SLC4A5: variants seen among roughly 807,000 people sequenced by gnomAD.
The protein encoded by SLC4A5 is electrogenic sodium bicarbonate cotransporter 4.
Under a neutral mutation model 120.4 loss-of-function variants are expected in SLC4A5, and 96 were observed. That is an observed-to-expected ratio of 0.80 (90% confidence interval 0.68 to 0.94). SLC4A5 has a LOEUF of 0.94. SLC4A5 is among the 40% of genes least tolerant of loss of function. The probability of loss-of-function intolerance (pLI) is 0.00; values close to 1 mark genes in which losing one functional copy is unlikely to be tolerated. For missense variants in SLC4A5, 1,259 were observed against 1,459.5 expected (o/e 0.86, Z 2.24); for synonymous variants, 550 against 571.1 (o/e 0.96, Z 0.53).
chr2:74,255,741 G>A lies in SLC4A5; in HGVS notation c.1025+34C>T, dbSNP rs1402286198. The stretch of plus-strand genomic sequence containing the variant: ...ACTGCACTGCTGACTGGCTACCTGA[G>A]AGTGGCGTGGGGACAGGTTTCAATG... On this transcript the variant is annotated intron_variant, in intron 13 of 30. Coordinates refer to ENST00000394019, the Ensembl canonical transcript of SLC4A5. The surrounding 1 kb of genome is among the most constrained non-coding windows in gnomAD (Gnocchi z 4.0). The A allele has an allele frequency of 2.5e-6, 4 of 1,611,126 alleles. No individual in the cohort carries two copies. The highest frequency in any genetic ancestry group is 3.4e-6 in the Non-Finnish European group (4 of 1,177,796).
intron 30 of SLC4A5, 39 bp from the exon 31 acceptor site, chr2:74,218,831 G>C (rs1322232168): frequency 6.6e-6 from 1 of 152,670 alleles, no homozygotes; most frequent in Non-Finnish European, 1.5e-5. Context: ...CGTAGTTCTT[G>C]GTGTTTTGAA....
At chr2:74,259,763 T>A in intron 11 of SLC4A5, 120 bp from the exon 12 acceptor site, 1 of 893,894 alleles carries the variant, frequency 1.1e-6, no homozygotes, top group Non-Finnish European at 1.9e-6. Context: ...CCCTCCCCCT[T>A]AATCCTGCAG....
chr2:74,254,830 T>C, intron 13 of SLC4A5, 124 bp from the exon 14 acceptor site: 1 of 736,056 alleles, frequency 1.4e-6, no homozygotes, highest in Non-Finnish European at 2.3e-6. Flanking sequence ...TTTTTTTTTT[T>C]TTTGAGACAG....
At chr2:74,264,653 G>A (rs539467680) in intron 9 of SLC4A5, among the ~76,000 whole-genome samples, 5 of 152,154 alleles carry the variant, frequency 3.3e-5, no homozygotes, top group African/African-American at 1.2e-4. Flanking sequence ...AGTATTTTGG[G>A]CAAAATACTT....
At chr2:74,328,618 C>A (rs1673275784) in intron 4 of SLC4A5, among the ~76,000 whole-genome samples, 1 of 152,042 alleles carries the variant, frequency 6.6e-6, no homozygotes, top group African/African-American at 2.4e-5. Context: ...AAATTGAGGC[C>A]CAGAGAGGGG....
intron 11 of SLC4A5, among the ~76,000 whole-genome samples, chr2:74,261,367 A>G (rs1465931439): frequency 6.6e-6 from 1 of 152,178 alleles, no homozygotes; most frequent in Non-Finnish European, 1.5e-5. Flanking sequence ...GGACAGAGAG[A>G]GAAGACTGCA....
intron 7 of SLC4A5, among the ~76,000 whole-genome samples, chr2:74,296,480 C>T (rs1206359519): frequency 6.6e-6 from 1 of 151,828 alleles, no homozygotes; most frequent in Admixed American, 6.6e-5. Context: ...AGCCAATTGT[C>T]GGCCAGGCAC....
At chr2:74,322,192 A>G (rs908479709) in intron 5 of SLC4A5, among the ~76,000 whole-genome samples, 1 of 152,054 alleles carries the variant, frequency 6.6e-6, no homozygotes, top group Non-Finnish European at 1.5e-5. Context: ...TTATCTGAAA[A>G]AAAAAAAAAA....
At chr2:74,264,014 A>C (rs1180813446) in intron 10 of SLC4A5, 133 bp downstream of exon 10, 1 of 1,182,600 alleles carries the variant, frequency 8.5e-7, no homozygotes, top group Non-Finnish European at 1.2e-6. Context: ...CTGCCAGAGA[A>C]GGAGGCTGAG....
At chr2:74,264,060 C>T in intron 10 of SLC4A5, 87 bp downstream of exon 10, 1 of 1,489,868 alleles carries the variant, frequency 6.7e-7, no homozygotes, top group African/African-American at 1.4e-5. Context: ...CCAGAAACTC[C>T]CAGCCCCTAA....
At chr2:74,254,455 G>T (rs1303060914) in intron 14 of SLC4A5, among the ~76,000 whole-genome samples, 164 bp downstream of exon 14, 1 of 152,154 alleles carries the variant, frequency 6.6e-6, no homozygotes, top group African/African-American at 2.4e-5. Flanking sequence ...TCTCCTAAAG[G>T]ACAATGACTA....
intron 8 of SLC4A5, among the ~76,000 whole-genome samples, chr2:74,269,983 C>T (rs1455386023): frequency 6.6e-6 from 1 of 152,232 alleles, no homozygotes; most frequent in African/African-American, 2.4e-5. Flanking sequence ...GTTAGGCATA[C>T]ACCAAACATT....
intron 12 of SLC4A5, among the ~76,000 whole-genome samples, chr2:74,257,348 C>G (rs1011773797): frequency 4.6e-5 from 7 of 152,100 alleles, no homozygotes; most frequent in African/African-American, 1.7e-4. Flanking sequence ...ACACCGGAGT[C>G]CCCAAGACTC....
intron 8 of SLC4A5, among the ~76,000 whole-genome samples, chr2:74,269,323 A>G (rs1023134142): frequency 9.2e-5 from 14 of 151,994 alleles, no homozygotes; most frequent in African/African-American, 3.4e-4. Context: ...CTCCTGTTTC[A>G]GCCTCCTGAG....
intron 12 of SLC4A5, among the ~76,000 whole-genome samples, chr2:74,258,254 T>A (rs979671170): frequency 1.3e-5 from 2 of 152,232 alleles, no homozygotes. Context: ...CCTCTGGGCT[T>A]GCACCTGAAG....
At chr2:74,325,830 A>G (rs1057182879) in intron 5 of SLC4A5, among the ~76,000 whole-genome samples, 2 of 138,012 alleles carry the variant, frequency 1.4e-5, no homozygotes, top group African/African-American at 5.2e-5. Flanking sequence ...CTCAAACCTA[A>G]GGAAAGAAGG....
chr2:74,312,410 A>G (rs1351985750), intron 6 of SLC4A5, among the ~76,000 whole-genome samples: 2 of 151,988 alleles, frequency 1.3e-5, no homozygotes, highest in African/African-American at 4.8e-5. Context: ...ATGTATTTGT[A>G]GTAGAGACAG....
intron 8 of SLC4A5, among the ~76,000 whole-genome samples, chr2:74,275,759 T>G (rs1671618469): frequency 6.6e-6 from 1 of 152,258 alleles, no homozygotes; most frequent in Admixed American, 6.5e-5. Context: ...TGCTAAGCAC[T>G]TAACAGGTAT....
intron 5 of SLC4A5, among the ~76,000 whole-genome samples, chr2:74,327,161 G>C (rs1228149249): frequency 2.0e-5 from 3 of 152,162 alleles, no homozygotes; most frequent in Admixed American, 1.3e-4. Context: ...CTTAAGATTA[G>C]ACATCCATGT....
Sources: gnomAD v4.1 joint callset for allele counts (sites outside exome capture counted in the v4.1 genomes callset) on GRCh38, gnomAD v4.1.1 for gene constraint, Gnocchi (gnomAD v3.1) non-coding constraint, MANE v1.5 for transcripts, NCBI Gene and HGNC (gene_info 2026-07-23, HGNC 2026-07-21) for gene names.